The following AZIN2 variants were observed in gnomAD, a reference collection of about 807,000 sequenced individuals.
AZIN2 encodes antizyme inhibitor 2.
Under a neutral mutation model 47.8 loss-of-function variants are expected in AZIN2, and 28 were observed. The ratio of observed to expected loss-of-function variants is 0.59; its 90% CI spans 0.43 to 0.80. The LOEUF is 0.80. Among genes scored for constraint, AZIN2 ranks in the 30% least tolerant of loss-of-function variants. The probability of loss-of-function intolerance (pLI) is 0.00; values close to 1 mark genes in which losing one functional copy is unlikely to be tolerated. For synonymous variants in AZIN2, 221 were observed against 239.4 expected (o/e 0.92, Z 0.71); for missense variants, 535 against 582.5 (o/e 0.92, Z 0.84).
chr1:33,089,919 G>A (rs747186824), intron 5 of AZIN2, among the ~76,000 whole-genome samples: 1 of 152,160 alleles, frequency 6.6e-6, no homozygotes, highest in East Asian at 1.9e-4. Context: ...TATTCGTGGA[G>A]AGTCAGACTT....
the AZIN2 span, among the ~76,000 whole-genome samples, chr1:33,161,470 C>T: frequency 6.6e-6 from 1 of 152,082 alleles, no homozygotes; most frequent in Non-Finnish European, 1.5e-5. The surrounding 1 kb of genome is among the most constrained non-coding windows in gnomAD (Gnocchi z 4.3). Context: ...GTGGGAGGCT[C>T]TACAAAGGCT....
the AZIN2 span, among the ~76,000 whole-genome samples, chr1:33,139,924 C>G: frequency 6.6e-6 from 1 of 152,136 alleles, no homozygotes; most frequent in East Asian, 1.9e-4. Flanking sequence ...TTTCTAAGAT[C>G]CCACCATCAG....
intron 5 of AZIN2, 144 bp downstream of exon 5, chr1:33,084,271 C>G: frequency 1.2e-6 from 1 of 868,052 alleles, no homozygotes; most frequent in South Asian, 1.7e-5. Context: ...CAGGAGGGGT[C>G]TCAAGGGATG....
At position 33,082,398 on chromosome 1, in the gene AZIN2, G is replaced by A. The variant is rs1326468294; in HGVS notation, c.105+44G>A. 4 of 1,461,226 alleles carry A rather than the reference G, an allele frequency of 2.7e-6. No individual in the cohort carries two copies. In the African/African-American group the frequency reaches 5.6e-5, roughly 21 times the overall value. The allele number at this position is 1,461,226 out of a possible 1,614,324, so 90.5% of individuals were successfully genotyped here. A position where few individuals can be genotyped will look rare whatever the true frequency, so the allele number is the denominator to read the frequency against. On this transcript the variant is annotated intron_variant, in intron 4 of 11. Transcript: ENST00000294517. Reference sequence around the variant, plus strand: ...GGGTGGGTCCCCGGTCCCCTGTACAGATCAGCTGCCTCCTCAGGAAGGGTC... The same window carrying A: ...GGGTGGGTCCCCGGTCCCCTGTACAAATCAGCTGCCTCCTCAGGAAGGGTC...
downstream of AZIN2, among the ~76,000 whole-genome samples, chr1:33,125,171 A>G (rs116075028): frequency 5.7e-3 from 874 of 152,318 alleles, 11 homozygotes; most frequent in African/African-American, 0.02. Context: ...CACCTGCCCA[A>G]GCCATCTCAT....
At chr1:33,165,591 G>T in the AZIN2 span, 1 of 1,581,790 alleles carries the variant, frequency 6.3e-7, no homozygotes, top group South Asian at 1.1e-5. The surrounding 1 kb of genome is among the most constrained non-coding windows in gnomAD (Gnocchi z 4.0). Flanking sequence ...GGGCCGGGAT[G>T]GGGGCAGGGG....
intron 5 of AZIN2, among the ~76,000 whole-genome samples, chr1:33,086,480 C>T (rs943984481): frequency 3.3e-5 from 5 of 152,174 alleles, no homozygotes; most frequent in South Asian, 2.1e-4. Context: ...CCCTTTGGTG[C>T]GCTTCTGGAG....
the AZIN2 span, among the ~76,000 whole-genome samples, chr1:33,133,231 G>A: frequency 1.3e-5 from 2 of 152,236 alleles, no homozygotes; most frequent in African/African-American, 4.8e-5. Flanking sequence ...GAGGCTGTGA[G>A]GCCAAAGACA....
intron 7 of AZIN2, among the ~76,000 whole-genome samples, chr1:33,093,967 A>G (rs1277053984): frequency 5.9e-5 from 9 of 152,074 alleles, no homozygotes. Context: ...TCTTGGGCTC[A>G]AGCAATCCTT....
At chr1:33,098,705 G>T (rs1643406452) in intron 10 of AZIN2, among the ~76,000 whole-genome samples, 1 of 152,042 alleles carries the variant, frequency 6.6e-6, no homozygotes, top group African/African-American at 2.4e-5. Context: ...ATCTTTGAGA[G>T]GATAAAGAAA....
chr1:33,109,410 C>T (rs755721478), intron 10 of AZIN2, among the ~76,000 whole-genome samples: 5 of 151,574 alleles, frequency 3.3e-5, no homozygotes, highest in African/African-American at 1.2e-4. Flanking sequence ...CTCACTGCAA[C>T]CTTCGCCTCC....
intron 9 of AZIN2, among the ~76,000 whole-genome samples, chr1:33,097,387 G>A (rs1387622107): frequency 6.6e-6 from 1 of 152,178 alleles, no homozygotes; most frequent in Non-Finnish European, 1.5e-5. Flanking sequence ...GGCAGTGTGG[G>A]GATTCAAGTT....
At chr1:33,098,267 C>A in intron 10 of AZIN2, 88 bp downstream of exon 10, 2 of 1,000,018 alleles carry the variant, frequency 2.0e-6, no homozygotes, top group South Asian at 1.7e-5. Flanking sequence ...TTTAAAAAGT[C>A]AAACATATTT....
At chr1:33,134,514 A>G in the AZIN2 span, among the ~76,000 whole-genome samples, 15,408 of 152,218 alleles carry the variant, frequency 0.1, 986 homozygotes, top group Non-Finnish European at 0.14. Flanking sequence ...GGACTATCCT[A>G]TGGAAAGGAG....
At position 33,092,108 on chromosome 1, in the gene AZIN2, A is replaced by C; in HGVS notation, c.338A>C (p.Asn113Thr). 1 of 1,614,004 alleles carries C rather than the reference A, an allele frequency of 6.2e-7. No homozygotes were observed. Among genetic ancestry groups the C allele is most frequent in the Non-Finnish European group, 8.5e-7 (1 of 1,179,992 alleles). ...GIPASKIICA[N>T]PCKQIAQIKY... ...CCTGCCAGTAAGATCATCTGCGCCA[A>C]CCCCTGTAAGCAAATTGCACAGATC... is the stretch of plus-strand genomic sequence containing the variant. Residue 113 changes from asparagine to threonine, a missense_variant, in exon 6 of 12, where the codon AAC (asparagine) becomes ACC (threonine). Asn to Thr is a moderately conservative substitution (Grantham distance 65). Transcript: ENST00000294517.
intron 10 of AZIN2, among the ~76,000 whole-genome samples, chr1:33,116,121 A>G (rs1031730600): frequency 2.6e-5 from 4 of 152,148 alleles, no homozygotes; most frequent in Admixed American, 2.0e-4. Context: ...GACCACAGGA[A>G]TTTTATTTTG....
At chr1:33,137,863 T>G in the AZIN2 span, among the ~76,000 whole-genome samples, 1 of 152,140 alleles carries the variant, frequency 6.6e-6, no homozygotes, top group Non-Finnish European at 1.5e-5. Context: ...CCAGAGGGCT[T>G]CCCTTGCCTC....
intron 10 of AZIN2, 38 bp from the exon 11 acceptor site, chr1:33,117,864 C>T (rs775064374): frequency 8.7e-6 from 14 of 1,610,178 alleles, no homozygotes; most frequent in Non-Finnish European, 1.2e-5. Context: ...CTGTTGTATG[C>T]CCAGGAGAGC....
At chr1:33,159,665 G>A in the AZIN2 span, 3 of 1,589,980 alleles carry the variant, frequency 1.9e-6, no homozygotes, top group South Asian at 1.1e-5. This position sits in a 1 kb window ranked among gnomAD's most constrained non-coding sequence, Gnocchi z 4.2. Context: ...CAGCCGGGGA[G>A]GGCCCCGGCG....
Sources: gnomAD v4.1 joint callset for allele counts (sites outside exome capture counted in the v4.1 genomes callset) on GRCh38, gnomAD v4.1.1 for gene constraint, Gnocchi (gnomAD v3.1) non-coding constraint, MANE v1.5 for transcripts, NCBI Gene and HGNC (gene_info 2026-07-23, HGNC 2026-07-21) for gene names.